Variants in SMARCA4 observed in about 807,000 individuals in gnomAD.
The protein encoded by SMARCA4 is SWI/SNF-related matrix-associated actin-dependent regulator of chromatin subfamily A member 4.
In SMARCA4, 31 loss-of-function variants were observed where a neutral mutation model predicts 193.9. The ratio of observed to expected loss-of-function variants is 0.16; its 90% CI spans 0.12 to 0.22. SMARCA4 has a LOEUF of 0.22. SMARCA4 is among the 10% of genes least tolerant of loss of function. SMARCA4 has a pLI of 1.00. For missense variants in SMARCA4, 1,148 were observed against 2,296.0 expected, an observed-to-expected ratio of 0.50 and a Z score of 10.22; for synonymous variants, 942 against 933.1, an observed-to-expected ratio of 1.01 and a Z score of -0.17.
At position 10,984,051 on chromosome 19, in the gene SMARCA4, T is replaced by G; in HGVS notation, c.-31-70T>G. ...GTAGATTCTGATGTGACCGTATGAT[T>G]GTCCCTTGCTATCCCTGTCCTGCCT... On this transcript the variant is annotated intron_variant, in intron 1 of 34. Transcript: ENST00000344626. This position sits in a 1 kb window ranked among gnomAD's most constrained non-coding sequence, Gnocchi z 4.3. 1 of 1,177,956 alleles carries G rather than the reference T, an allele frequency of 8.5e-7. No homozygotes were observed. Among genetic ancestry groups the G allele is most frequent in the Non-Finnish European group, 1.3e-6 (1 of 794,420 alleles). 73.0% of individuals were successfully genotyped at this position (1,177,956 alleles called of 1,614,324 possible). A position where few individuals can be genotyped will look rare whatever the true frequency, so the allele number is the denominator to read the frequency against.
At chr19:10,983,399 T>G (rs2085725783) in intron 1 of SMARCA4, 1 of 152,216 alleles carries the variant, frequency 6.6e-6, no homozygotes, top group East Asian at 1.9e-4. Flanking sequence ...AATATCTGTT[T>G]TGGCTGAATT....
In SMARCA4 at chr19:11,013,068, G is replaced by A. The variant is rs1555774749; in HGVS notation, c.2394G>A (p.Glu798=). The A allele has an allele frequency of 1.9e-6, 3 of 1,614,168 alleles. No individual in the cohort carries two copies. The highest frequency in any genetic ancestry group is 2.5e-6 in the Non-Finnish European group (3 of 1,180,012). Residue 798 remains glutamate (E), a synonymous_variant, in exon 16 of 35, where the codon GAG becomes GAA. Transcript: ENST00000344626. ...QTIALITYLM[E]HKRINGPFLI... ...TCGCGCTCATCACGTACCTCATGGAGCACAAACGCATCAATGGGCCCTTCC... is the reference window on the plus strand; with the variant it reads ...TCGCGCTCATCACGTACCTCATGGAACACAAACGCATCAATGGGCCCTTCC...
chr19:10,996,305 T>A lies in SMARCA4; in HGVS notation c.1686T>A (p.Ala562=). 1 of 1,614,190 alleles carries A rather than the reference T, an allele frequency of 6.2e-7. No individual in the cohort carries two copies. The highest frequency in any genetic ancestry group is 8.5e-7 in the Non-Finnish European group (1 of 1,180,042). Residue 562 remains alanine (A), a synonymous_variant, in exon 10 of 35, where the codon GCT becomes GCA. Transcript: ENST00000344626. The part of the protein sequence containing the change: ...YLLQQTDEYV[A]NLTELVRQHK... ...TGCAGCAGACAGACGAGTACGTGGCTAACCTCACGGAGCTGGTGCGGCAGC... is the reference window on the plus strand; with the variant it reads ...TGCAGCAGACAGACGAGTACGTGGCAAACCTCACGGAGCTGGTGCGGCAGC...
chr19:11,021,736 G>T lies in SMARCA4; in HGVS notation c.2628G>T (p.Lys876Asn), dbSNP rs1600277776. ...DKHILAKIRW[K>N]YMIVDEGHRM... ...TCTGGGGCCCGCAGATCCGTTGGAA[G>T]TACATGATTGTGGACGAAGGTCACC... is the stretch of plus-strand genomic sequence containing the variant. The change falls in exon 19 of 35, where the codon AAG (lysine) becomes AAT (asparagine). Residue 876 changes from lysine (K) to asparagine (N), a missense_variant. Lys to Asn is a moderately conservative substitution (Grantham distance 94, BLOSUM62 0). Transcript: ENST00000344626. 5 of 1,612,396 alleles carry T rather than the reference G, an allele frequency of 3.1e-6. No homozygotes were observed. The highest frequency in any genetic ancestry group is 4.2e-6 in the Non-Finnish European group (5 of 1,179,306).
At chr19:11,054,976 T>C (rs775617707) in intron 30 of SMARCA4, among the ~76,000 whole-genome samples, 1 of 152,034 alleles carries the variant, frequency 6.6e-6, no homozygotes, top group Non-Finnish European at 1.5e-5. Context: ...TCATTCCAAG[T>C]GCGGGGAGGC....
chr19:11,009,834 G>A (rs1302773501), intron 14 of SMARCA4, among the ~76,000 whole-genome samples: 2 of 151,310 alleles, frequency 1.3e-5, no homozygotes, highest in African/African-American at 4.9e-5. Context: ...GACTACAGGC[G>A]CCTGCCACCA....
chr19:10,974,998 A>T (rs888697882), intron 1 of SMARCA4, among the ~76,000 whole-genome samples: 6 of 146,146 alleles, frequency 4.1e-5, no homozygotes, highest in Non-Finnish European at 9.0e-5. Flanking sequence ...ATGCCCAGCC[A>T]TATGCATATA....
rs573498157 is a variant in SMARCA4 at position 10,969,865 on chromosome 19, C to T, written c.-32+8691C>T. On this transcript the variant is annotated intron_variant, in intron 1 of 34. Transcript: ENST00000344626. ...AAAGTCATTATCAGACCGTGCCACTCCCGTGCCTGGAACATTCTAGCAGCT... is the reference window on the plus strand; with the variant it reads ...AAAGTCATTATCAGACCGTGCCACTTCCGTGCCTGGAACATTCTAGCAGCT... Among the ~76,000 whole-genome samples the T allele has an allele frequency of 9.2e-5, 14 of 152,278 alleles. No individual in the cohort carries two copies. The East Asian group carries it at 2.7e-3, about 29-fold the overall frequency.
intron 30 of SMARCA4, among the ~76,000 whole-genome samples, chr19:11,056,626 A>G (rs1426075614): frequency 6.6e-6 from 1 of 152,154 alleles, no homozygotes; most frequent in African/African-American, 2.4e-5. Flanking sequence ...TGGCTGGCCC[A>G]GCAAGCAGGG....
rs2147116694 is a variant in SMARCA4, at chr19:11,059,884, A to G, written c.4767A>G (p.Glu1589=). ...GCGAGGAGGAAGGCTCCGAATCCGA[A>G]TGTGAGTCCCGGGGGGGTTCAGGAC... ...EEGEEEGSES[E]SRSVKVKIKL... is the part of the protein sequence containing the mutation. Residue 1589 remains glutamate (E), a splice_region_variant and synonymous_variant, in exon 33 of 35, where the codon GAA becomes GAG. Transcript: ENST00000344626. 1 of 1,613,866 alleles carries G rather than the reference A, an allele frequency of 6.2e-7. No homozygotes were observed. The highest frequency in any genetic ancestry group is 8.5e-7 in the Non-Finnish European group (1 of 1,179,992).
Position 10,973,041 on chromosome 19 carries a change from C to T in SMARCA4, c.-31-11080C>T, listed in dbSNP as rs185153297. ...GGAGAATTGCTTGAACCCGGGAGGC[C>T]GAGGTTGCGGTGAGCTGAGATTGTG... On this transcript the variant is annotated intron_variant, in intron 1 of 34. Transcript: ENST00000344626. Among the ~76,000 whole-genome samples the T allele has an allele frequency of 1.8e-3, 266 of 150,672 alleles. 2 individuals are homozygous for T. Among genetic ancestry groups the T allele is most frequent in the African/African-American group, 6.2e-3 (254 of 40,926 alleles).
intron 11 of SMARCA4, among the ~76,000 whole-genome samples, chr19:11,000,295 G>C (rs1379391022): frequency 1.3e-5 from 2 of 151,700 alleles, no homozygotes; most frequent in Non-Finnish European, 2.9e-5. Context: ...CCAGCAGTTT[G>C]GGTTGCTAAG....
At position 10,991,320 on chromosome 19, in the gene SMARCA4, C is replaced by T. The variant is rs2086540721; in HGVS notation, c.1416C>T (p.His472=). ...AGGAGCGCAAGCGCCGGCAGAAGCA[C>T]CAGGTACGCTCCGGTGGCCCCAAGG... ...IEQERKRRQK[H]QEYLNSILQH... The change falls in exon 8 of 35, where the codon CAC becomes CAT. Residue 472 remains histidine, a synonymous_variant. Transcript: ENST00000344626. The T allele has an allele frequency of 6.3e-7, 1 of 1,594,370 alleles. No homozygotes were observed. The highest frequency in any genetic ancestry group is 8.5e-7 in the Non-Finnish European group (1 of 1,171,100).
At chr19:11,004,650 G>A (rs1850980501) in intron 13 of SMARCA4, among the ~76,000 whole-genome samples, 1 of 152,102 alleles carries the variant, frequency 6.6e-6, no homozygotes, top group Admixed American at 6.6e-5. Flanking sequence ...AACAGCATAT[G>A]GGTTTTGCAT....
chr19:10,996,593 T>C (rs771678512), intron 11 of SMARCA4, 49 bp downstream of exon 11: 62 of 1,550,502 alleles, frequency 4.0e-5, no homozygotes, highest in East Asian at 1.3e-4. Flanking sequence ...CCCTAAGGCG[T>C]TGGTCTGTTT....
chr19:10,992,049 T>G (rs1352285239), intron 8 of SMARCA4, among the ~76,000 whole-genome samples: 2 of 151,678 alleles, frequency 1.3e-5, no homozygotes, highest in Non-Finnish European at 2.9e-5. Flanking sequence ...AGATTTTCTA[T>G]AATTAATATC....
intron 30 of SMARCA4, among the ~76,000 whole-genome samples, chr19:11,049,485 GTTTTTTT>G (rs56043428): frequency 7.0e-6 from 1 of 142,880 alleles, no homozygotes; most frequent in East Asian, 2.0e-4. Flanking sequence ...TGGGTTCTGT[GTTTTTTT>G]TTTTTTTTTT....
rs765269922 is a variant in SMARCA4 at position 11,026,311 on chromosome 19, C to T, written c.3180C>T (p.Ser1060=). Residue 1060 remains serine (S), a synonymous_variant, in exon 23 of 35, where the codon TCC becomes TCT. Coordinates refer to ENST00000344626, the MANE Select transcript of SMARCA4 (RefSeq NM_003072.5). ...TCCTTGCCTTGCAGGAGTCCTTTTCCGAGCACTTGGGGTTCACTGGCGGCA... is the reference window on the plus strand; with the variant it reads ...TCCTTGCCTTGCAGGAGTCCTTTTCTGAGCACTTGGGGTTCACTGGCGGCA... The part of the protein sequence containing the change: ...YMFQHIEESF[S]EHLGFTGGIV... 2.4e-5 allele frequency: 38 copies of T among 1,613,742 alleles called. No individual in the cohort carries two copies. The highest frequency in any genetic ancestry group is 3.3e-4 in the Middle Eastern group (2 of 6,084).
intron 1 of SMARCA4, among the ~76,000 whole-genome samples, chr19:10,967,967 C>G (rs1323988142): frequency 6.6e-6 from 1 of 151,722 alleles, no homozygotes; most frequent in African/African-American, 2.4e-5. Context: ...ATCTCCGCCT[C>G]CCGGGTTCAT....
Sources: allele counts gnomAD v4.1 joint callset (sites outside exome capture counted in the v4.1 genomes callset), GRCh38; gene constraint gnomAD v4.1.1; non-coding constraint Gnocchi (gnomAD v3.1); transcripts MANE v1.5; gene names NCBI Gene and HGNC (gene_info 2026-07-23, HGNC 2026-07-21).